The following CUX2 variants were observed in gnomAD, a reference collection of about 807,000 sequenced individuals.
CUX2 encodes the protein homeobox protein cut-like 2.
CUX2 carries 40 observed loss-of-function variants against 144.8 expected under a neutral mutation model. The ratio of observed to expected loss-of-function variants is 0.28; its 90% CI spans 0.21 to 0.36. CUX2 has a LOEUF of 0.36. Ranked by LOEUF, CUX2 falls within the 10% of genes least tolerant of loss-of-function variation. The probability of loss-of-function intolerance (pLI) is 1.00; values close to 1 mark genes in which losing one functional copy is unlikely to be tolerated. For missense variants in CUX2, 1,615 were observed against 1,994.0 expected, an observed-to-expected ratio of 0.81 and a Z score of 3.62; for synonymous variants, 827 against 875.6, an observed-to-expected ratio of 0.94 and a Z score of 0.98.
chr12:111,173,949 G>T (rs11837864), intron 1 of CUX2, among the ~76,000 whole-genome samples: 1,602 of 152,270 alleles, frequency 0.011, 37 homozygotes, highest in African/African-American at 0.037. Flanking sequence ...GAAACTGCAC[G>T]TACAAAGGTC....
intron 1 of CUX2, among the ~76,000 whole-genome samples, chr12:111,075,078 C>T (rs1008658918): frequency 6.6e-6 from 1 of 152,142 alleles, no homozygotes; most frequent in East Asian, 1.9e-4. Context: ...ATGGAGGAGA[C>T]AGCCACCACC....
chr12:111,109,295 T>C (rs1423670466), intron 1 of CUX2, among the ~76,000 whole-genome samples: 1 of 152,246 alleles, frequency 6.6e-6, no homozygotes, highest in African/African-American at 2.4e-5. Flanking sequence ...TGCTTAAATC[T>C]TTCTCTTTAT....
At chr12:111,197,489 A>G (rs1406408305) in intron 1 of CUX2, among the ~76,000 whole-genome samples, 2 of 152,190 alleles carry the variant, frequency 1.3e-5, no homozygotes, top group Non-Finnish European at 2.9e-5. Context: ...TGCTCCTTAC[A>G]TGTTTGTTGA....
In CUX2 at chr12:111,236,085, A is replaced by G. The variant is rs144716932; in HGVS notation, c.222+18148A>G. ...GAGCCTCATCTTTCCTATCTGGAAA[A>G]GGGGGGATAGTATTTGTCCTTCCCT... On this transcript the variant is annotated intron_variant, in intron 3 of 21. Coordinates refer to ENST00000261726, the MANE Select transcript of CUX2 (RefSeq NM_015267.4). Among the ~76,000 whole-genome samples the G allele has an allele frequency of 2.6e-3, 398 of 152,242 alleles. 3 individuals are homozygous for G. Among genetic ancestry groups the G allele is most frequent in the African/African-American group, 8.7e-3 (363 of 41,542 alleles).
chr12:111,114,964 G>A (rs915278844), intron 1 of CUX2, among the ~76,000 whole-genome samples: 5 of 152,146 alleles, frequency 3.3e-5, no homozygotes, highest in Non-Finnish European at 7.4e-5. Context: ...TATTCAGAAA[G>A]CAAATGAGCA....
chr12:111,211,110 A>G (rs763751673), intron 1 of CUX2, among the ~76,000 whole-genome samples: 1 of 152,238 alleles, frequency 6.6e-6, no homozygotes, highest in Non-Finnish European at 1.5e-5. Flanking sequence ...TAAGCTTTCC[A>G]TAAATGGTAG....
intron 3 of CUX2, among the ~76,000 whole-genome samples, chr12:111,226,240 G>C (rs4766557): frequency 0.3 from 46,162 of 152,086 alleles, 8,230 homozygotes; most frequent in East Asian, 0.62. Context: ...CATCACACCT[G>C]GCCTTCCCAT....
At chr12:111,314,683 A>G (rs1268928386) in intron 16 of CUX2, among the ~76,000 whole-genome samples, 1 of 149,942 alleles carries the variant, frequency 6.7e-6, no homozygotes, top group Non-Finnish European at 1.5e-5. Flanking sequence ...ATCTCCTCTA[A>G]AAATACAAAA....
intron 1 of CUX2, among the ~76,000 whole-genome samples, chr12:111,164,972 C>A (rs1407022078): frequency 6.6e-6 from 1 of 152,048 alleles, no homozygotes; most frequent in Non-Finnish European, 1.5e-5. Context: ...AGGAGGAGGA[C>A]AGATCAGAGG....
At chr12:111,176,642 C>G (rs903811411) in intron 1 of CUX2, among the ~76,000 whole-genome samples, 3 of 152,160 alleles carry the variant, frequency 2.0e-5, no homozygotes, top group Non-Finnish European at 2.9e-5. Flanking sequence ...TGTGTCCAAC[C>G]CCCACTCCAG....
rs1336016091 is a variant in CUX2 at position 111,312,415 on chromosome 12, C to T, written c.2002+214C>T. Among the ~76,000 whole-genome samples, 3 of 151,958 alleles carry T rather than the reference C, an allele frequency of 2.0e-5. No individual in the cohort carries two copies. On this transcript the variant is annotated intron_variant, in intron 16 of 21. Transcript: ENST00000261726. The surrounding 1 kb of genome is among the most constrained non-coding windows in gnomAD (Gnocchi z 4.3). The stretch of plus-strand genomic sequence containing the variant: ...ACAGCTCTCAACATAAAATCTCAAC[C>T]CTTGGCCAGGCGCAGTGGCTCATGC...
Position 111,345,552 on chromosome 12 carries a change from G to A in CUX2, c.3660-1972G>A, listed in dbSNP as rs1314441449. On this transcript the variant is annotated intron_variant, in intron 21 of 21. Transcript: ENST00000261726. ...AGGTCAGGAGATCGAGACCATCCTG[G>A]CTAACATGGTAAAATGCCTTCTCTA... is the stretch of plus-strand genomic sequence containing the variant. Among the ~76,000 whole-genome samples, 6 of 151,170 alleles carry A rather than the reference G, an allele frequency of 4.0e-5. No homozygotes were observed. In the East Asian group the frequency reaches 7.9e-4, roughly 20 times the overall value.
chr12:111,345,948 A>G (rs1218743409), intron 21 of CUX2, among the ~76,000 whole-genome samples: 1 of 146,416 alleles, frequency 6.8e-6, no homozygotes, highest in African/African-American at 2.5e-5. Flanking sequence ...CGTCTCTACT[A>G]AAAATGCAAA....
intron 1 of CUX2, among the ~76,000 whole-genome samples, chr12:111,183,816 C>T (rs1181517030): frequency 6.6e-6 from 1 of 152,120 alleles, no homozygotes; most frequent in Admixed American, 6.5e-5. Context: ...GTCCCACCAC[C>T]CCCTGCAGAT....
At chr12:111,083,464 TG>T (rs1408238635) in intron 1 of CUX2, among the ~76,000 whole-genome samples, 9 of 151,422 alleles carry the variant, frequency 5.9e-5, no homozygotes, top group African/African-American at 1.9e-4. Context: ...TTGGGGTGAG[TG>T]GAGCTTGAGG....
At chr12:111,242,475 C>A (rs1171300073) in intron 3 of CUX2, among the ~76,000 whole-genome samples, 1 of 152,174 alleles carries the variant, frequency 6.6e-6, no homozygotes, top group Non-Finnish European at 1.5e-5. Flanking sequence ...AAAATACTTG[C>A]TCCGTGGCTC....
At chr12:111,260,261 G>A (rs1009795530) in intron 3 of CUX2, among the ~76,000 whole-genome samples, 9 of 151,808 alleles carry the variant, frequency 5.9e-5, no homozygotes, top group Admixed American at 2.6e-4. Context: ...TCAGGAGCTC[G>A]AGACCATCCT....
At chr12:111,168,839 C>T (rs527417098) in intron 1 of CUX2, among the ~76,000 whole-genome samples, 6 of 152,182 alleles carry the variant, frequency 3.9e-5, no homozygotes, top group South Asian at 2.1e-4. Flanking sequence ...GAATTTGGGT[C>T]GGGTGCTTGA....
intron 1 of CUX2, among the ~76,000 whole-genome samples, chr12:111,152,007 C>T (rs1328222880): frequency 2.0e-5 from 3 of 152,082 alleles, no homozygotes; most frequent in Non-Finnish European, 4.4e-5. Flanking sequence ...GACTCAAGGC[C>T]GGTGCGATGG....
Sources: allele counts gnomAD v4.1 joint callset (sites outside exome capture counted in the v4.1 genomes callset), GRCh38; gene constraint gnomAD v4.1.1; non-coding constraint Gnocchi (gnomAD v3.1); transcripts MANE v1.5; gene names NCBI Gene and HGNC (gene_info 2026-07-23, HGNC 2026-07-21).